RALGAPA1: variants seen among roughly 807,000 people sequenced by gnomAD.
RALGAPA1 encodes Ral GTPase activating protein catalytic subunit alpha 1.
Under a neutral mutation model 269.6 loss-of-function variants are expected in RALGAPA1, and 52 were observed. The ratio of observed to expected loss-of-function variants is 0.19; its 90% CI spans 0.15 to 0.24. The LOEUF (loss-of-function observed/expected upper bound fraction) is 0.24, where lower values mean the gene tolerates loss of function less well. Ranked by LOEUF, RALGAPA1 falls within the 10% of genes least tolerant of loss-of-function variation. The pLI is 1.00. For synonymous variants in RALGAPA1, 817 were observed against 1,008.3 expected (o/e 0.81, Z 3.60); for missense variants, 1,917 against 3,013.9 (o/e 0.64, Z 8.52).
At chr14:35,563,224 A>C (rs772465671) in intron 39 of RALGAPA1, among the ~76,000 whole-genome samples, 118 of 152,144 alleles carry the variant, frequency 7.8e-4, no homozygotes, top group Non-Finnish European at 1.5e-3. Flanking sequence ...TACTATAACA[A>C]AATGTTTTGA....
chr14:35,755,611 C>T (rs2073100819), intron 7 of RALGAPA1, among the ~76,000 whole-genome samples: 1 of 152,126 alleles, frequency 6.6e-6, no homozygotes, highest in African/African-American at 2.4e-5. Context: ...ATAACACCTG[C>T]CCACTACAGA....
Position 35,735,650 on chromosome 14 carries a change from C to T in RALGAPA1, c.1587+2863G>A, listed in dbSNP as rs577626555. On this transcript the variant is annotated intron_variant, in intron 12 of 41. Coordinates refer to ENST00000680220, the MANE Select transcript of RALGAPA1 (RefSeq NM_001346249.2). Reference sequence around the variant, plus strand: ...TGGGTGCACCAAAATCTCATATCACCACTAAAGAACTTACTCATGTAACCA... The same window carrying T: ...TGGGTGCACCAAAATCTCATATCACTACTAAAGAACTTACTCATGTAACCA... Among the ~76,000 whole-genome samples the T allele has an allele frequency of 4.6e-5, 7 of 152,074 alleles. No individual in the cohort carries two copies. In the South Asian group the frequency reaches 1.5e-3, roughly 32 times the overall value.
chr14:35,667,150 C>G (rs1436048871), intron 26 of RALGAPA1, among the ~76,000 whole-genome samples: 1 of 152,126 alleles, frequency 6.6e-6, no homozygotes, highest in East Asian at 1.9e-4. Flanking sequence ...GCCGGTAATT[C>G]CAGCACTTTG....
intron 3 of RALGAPA1, 63 bp downstream of exon 3, chr14:35,774,943 T>C: frequency 1.0e-6 from 1 of 952,412 alleles, no homozygotes; most frequent in South Asian, 1.5e-5. Context: ...TTTAAATATA[T>C]TCCTTTGTAT....
chr14:35,616,896 C>A (rs1456156794), intron 35 of RALGAPA1, among the ~76,000 whole-genome samples: 1 of 152,040 alleles, frequency 6.6e-6, no homozygotes, highest in African/African-American at 2.4e-5. Flanking sequence ...TTCCCAAGGA[C>A]TTGACCATCT....
chr14:35,706,063 G>T (rs1360604499), intron 16 of RALGAPA1, among the ~76,000 whole-genome samples: 1 of 152,074 alleles, frequency 6.6e-6, no homozygotes, highest in Non-Finnish European at 1.5e-5. Flanking sequence ...CATGTGTTTT[G>T]CAGATTTTCT....
chr14:35,669,042 T>G (rs1339105530), intron 26 of RALGAPA1, among the ~76,000 whole-genome samples: 2 of 152,174 alleles, frequency 1.3e-5, no homozygotes, highest in African/African-American at 4.8e-5. Context: ...CTCATCTCCA[T>G]TTTTACTTAA....
chr14:35,804,105 T>C (rs915285549), intron 1 of RALGAPA1, among the ~76,000 whole-genome samples: 1 of 141,952 alleles, frequency 7.0e-6, no homozygotes, highest in African/African-American at 2.7e-5. Flanking sequence ...TCTATTTAAG[T>C]ACAAAAATTA....
At chr14:35,638,886 G>A (rs539708724) in intron 31 of RALGAPA1, among the ~76,000 whole-genome samples, 24 of 151,626 alleles carry the variant, frequency 1.6e-4, no homozygotes, top group African/African-American at 4.4e-4. Context: ...AGATTGCGCC[G>A]CTGCACTCCA....
intron 16 of RALGAPA1, chr14:35,715,735 T>C: frequency 1.0e-6 from 1 of 985,406 alleles, no homozygotes; most frequent in Non-Finnish European, 1.2e-6. Context: ...CTTCTCAAGA[T>C]AACCAATTTA....
intron 7 of RALGAPA1, 84 bp downstream of exon 7, chr14:35,756,709 T>A: frequency 1.0e-6 from 1 of 994,326 alleles, no homozygotes. Context: ...ATATCTACTA[T>A]GACAGAATAA....
At chr14:35,609,226 C>CAA (rs1230276755) in intron 35 of RALGAPA1, among the ~76,000 whole-genome samples, 3 of 106,062 alleles carry the variant, frequency 2.8e-5, no homozygotes, top group Admixed American at 1.0e-4. Flanking sequence ...CACTCCGTCT[C>CAA]AAAAAAAAAA....
chr14:35,556,726 C>T (rs951485431), intron 39 of RALGAPA1, among the ~76,000 whole-genome samples: 2 of 152,148 alleles, frequency 1.3e-5, no homozygotes, highest in African/African-American at 4.8e-5. Flanking sequence ...TTCACTGCGT[C>T]TCAATTAGGA....
At chr14:35,673,611 G>T (rs1218677528) in intron 24 of RALGAPA1, among the ~76,000 whole-genome samples, 1 of 151,786 alleles carries the variant, frequency 6.6e-6, no homozygotes, top group East Asian at 1.9e-4. Context: ...ACGGAGTTTC[G>T]CTCTCATCAC....
At chr14:35,691,873 T>G (rs2066509436) in intron 17 of RALGAPA1, among the ~76,000 whole-genome samples, 1 of 152,176 alleles carries the variant, frequency 6.6e-6, no homozygotes, top group South Asian at 2.1e-4. Flanking sequence ...GTCCTTAAAC[T>G]GAGGGGAATG....
At chr14:35,626,801 A>C (rs2061015106) in intron 34 of RALGAPA1, among the ~76,000 whole-genome samples, 1 of 144,800 alleles carries the variant, frequency 6.9e-6, no homozygotes, top group Admixed American at 6.8e-5. Context: ...GCAGTTTCTA[A>C]AAAAAAAATT....
rs767847422 is a variant in RALGAPA1 at position 35,728,352 on chromosome 14, A to T, written c.1736+10T>A. 1.8e-5 allele frequency: 28 copies of T among 1,545,636 alleles called. No individual in the cohort carries two copies. The highest frequency in any genetic ancestry group is 4.6e-5 in the East Asian group (2 of 43,944). ...AAACACATAGACATAAAGGATAAAA[A>T]TTTTTTTACCAAGTCTTTTTGTCCA... On this transcript the variant is annotated intron_variant, in intron 13 of 41. Coordinates refer to ENST00000680220, the MANE Select transcript of RALGAPA1 (RefSeq NM_001346249.2).
Position 35,689,334 on chromosome 14 carries a change from T to C in RALGAPA1, c.3077A>G (p.Asp1026Gly). ...AGAAGTTTGTGTTCTAAAAAAACTGTCTGACTGGTTAGGTGCGATATTACT... is the reference window on the plus strand; with the variant it reads ...AGAAGTTTGTGTTCTAAAAAAACTGCCTGACTGGTTAGGTGCGATATTACT... ...FMSNIAPNQSDSFFRTQTSEK... is the reference protein window; with the variant it reads ...FMSNIAPNQSGSFFRTQTSEK... The change falls in exon 18 of 42, where the codon GAC becomes GGC. Residue 1026 changes from aspartate (D) to glycine (G), a missense_variant. By Grantham distance (94) the Asp-to-Gly change is moderately conservative (BLOSUM62 -1). Transcript: ENST00000680220. 4 of 1,232,258 alleles carry C rather than the reference T, an allele frequency of 3.2e-6. No homozygotes were observed. The highest frequency in any genetic ancestry group is 3.0e-6 in the Non-Finnish European group (3 of 988,060). The allele number at this position is 1,232,258 out of a possible 1,614,324, so 76.3% of individuals were successfully genotyped here.
intron 39 of RALGAPA1, among the ~76,000 whole-genome samples, chr14:35,554,933 G>A (rs1478635062): frequency 6.6e-6 from 1 of 152,176 alleles, no homozygotes; most frequent in East Asian, 1.9e-4. Context: ...TGGTTTGATA[G>A]TAGATTAGGA....
Sources: allele counts gnomAD v4.1 joint callset (sites outside exome capture counted in the v4.1 genomes callset), GRCh38; gene constraint gnomAD v4.1.1; transcripts MANE v1.5; gene names NCBI Gene and HGNC (gene_info 2026-07-23, HGNC 2026-07-21).